Variants in RIMS2 observed in about 807,000 individuals in gnomAD.
The protein encoded by RIMS2 is regulating synaptic membrane exocytosis protein 2.
RIMS2 carries 59 observed loss-of-function variants against 174.4 expected under a neutral mutation model. The ratio of observed to expected loss-of-function variants is 0.34; its 90% CI spans 0.27 to 0.42. RIMS2 has a LOEUF of 0.42. RIMS2 is among the 10% of genes least tolerant of loss of function. The probability of loss-of-function intolerance (pLI) is 1.00; values close to 1 mark genes in which losing one functional copy is unlikely to be tolerated. For synonymous variants in RIMS2, 606 were observed against 572.5 expected (o/e 1.06, Z -0.84); for missense variants, 1,620 against 1,666.3 (o/e 0.97, Z 0.48).
At chr8:104,184,856 G>T (rs2098959793) in intron 19 of RIMS2, among the ~76,000 whole-genome samples, 1 of 151,346 alleles carries the variant, frequency 6.6e-6, no homozygotes. Context: ...CTGTGTTTAG[G>T]AAACTTTTTA....
At chr8:103,524,141 C>G (rs1020277212) in intron 1 of RIMS2, among the ~76,000 whole-genome samples, 40 of 151,832 alleles carry the variant, frequency 2.6e-4, no homozygotes, top group African/African-American at 2.4e-4. Context: ...TGAAAATGGT[C>G]CAACTTCATT....
At chr8:104,211,931 T>G (rs1299913330) in intron 19 of RIMS2, among the ~76,000 whole-genome samples, 2 of 152,094 alleles carry the variant, frequency 1.3e-5, no homozygotes, top group African/African-American at 4.8e-5. Flanking sequence ...GTTTTAGAAG[T>G]AGGATCGACA....
chr8:103,772,843 A>G (rs1203884171), intron 3 of RIMS2, among the ~76,000 whole-genome samples: 1 of 152,186 alleles, frequency 6.6e-6, no homozygotes, highest in African/African-American at 2.4e-5. Context: ...AAGGCAATTC[A>G]GTAGAGAAAG....
chr8:103,734,676 T>C (rs1484165797), intron 2 of RIMS2, among the ~76,000 whole-genome samples: 2 of 151,894 alleles, frequency 1.3e-5, no homozygotes, highest in Non-Finnish European at 2.9e-5. Flanking sequence ...ATTTCTGCAG[T>C]TTTGTCTTTT....
chr8:103,882,048 T>C (rs1393925420), intron 3 of RIMS2, among the ~76,000 whole-genome samples: 3 of 151,476 alleles, frequency 2.0e-5, no homozygotes, highest in Non-Finnish European at 4.4e-5. Flanking sequence ...TTAAGTGAAA[T>C]GTAAAATCCT....
intron 19 of RIMS2, among the ~76,000 whole-genome samples, chr8:104,242,052 G>A (rs1563957281): frequency 1.3e-5 from 2 of 152,128 alleles, no homozygotes; most frequent in South Asian, 2.1e-4. Flanking sequence ...GAGCCATCAT[G>A]CCCAGCCTAC....
chr8:103,543,069 G>A (rs780424011), intron 1 of RIMS2, among the ~76,000 whole-genome samples: 3 of 152,118 alleles, frequency 2.0e-5, no homozygotes, highest in Non-Finnish European at 4.4e-5. Context: ...TGGAAAGGAG[G>A]AAGTTAAATT....
chr8:103,640,174 G>A (rs1168220934), intron 1 of RIMS2, among the ~76,000 whole-genome samples: 1 of 151,768 alleles, frequency 6.6e-6, no homozygotes, highest in Non-Finnish European at 1.5e-5. Flanking sequence ...TATCAAATTT[G>A]GGATAGTTGT....
intron 1 of RIMS2, among the ~76,000 whole-genome samples, chr8:103,508,898 C>G (rs566026876): frequency 6.6e-6 from 1 of 152,120 alleles, no homozygotes; most frequent in Non-Finnish European, 1.5e-5. Context: ...CAGGTAAACT[C>G]TTATGATGCC....
intron 1 of RIMS2, among the ~76,000 whole-genome samples, chr8:103,660,797 A>G (rs1218660352): frequency 6.6e-6 from 1 of 152,236 alleles, no homozygotes; most frequent in Non-Finnish European, 1.5e-5. Flanking sequence ...ATAAACTTTT[A>G]AAATGACAAA....
chr8:103,845,176 T>C (rs954924507), intron 3 of RIMS2, among the ~76,000 whole-genome samples: 1 of 152,046 alleles, frequency 6.6e-6, no homozygotes, highest in Admixed American at 6.6e-5. Flanking sequence ...TAGTCAAAGA[T>C]CCTTTTTTAA....
At chr8:103,668,080 T>C (rs1217063493) in intron 1 of RIMS2, among the ~76,000 whole-genome samples, 2 of 152,168 alleles carry the variant, frequency 1.3e-5, no homozygotes, top group Non-Finnish European at 2.9e-5. Flanking sequence ...TAGAATTTAG[T>C]CATATTAGAG....
At chr8:104,070,567 A>G (rs2097179266) in intron 19 of RIMS2, among the ~76,000 whole-genome samples, 1 of 152,166 alleles carries the variant, frequency 6.6e-6, no homozygotes, top group Admixed American at 6.5e-5. Context: ...TCTGCCTACA[A>G]CTAAATAGAC....
chr8:104,020,166 T>C (rs1292402498), intron 19 of RIMS2, among the ~76,000 whole-genome samples: 2 of 152,056 alleles, frequency 1.3e-5, no homozygotes, highest in East Asian at 1.9e-4. Flanking sequence ...CAGAGTGTCA[T>C]GTTTAGTGCA....
intron 1 of RIMS2, among the ~76,000 whole-genome samples, chr8:103,685,348 C>T (rs544109545): frequency 6.6e-6 from 1 of 152,016 alleles, no homozygotes; most frequent in African/African-American, 2.4e-5. Context: ...AGGGAGTAGT[C>T]CCAAACTTTT....
intron 19 of RIMS2, among the ~76,000 whole-genome samples, 163 bp from the exon 23 acceptor site, chr8:104,068,349 T>G (rs144622601): frequency 1.3e-5 from 2 of 152,328 alleles, no homozygotes; most frequent in Non-Finnish European, 2.9e-5. Flanking sequence ...TGAAATTGTA[T>G]ACTTTAAATA....
intron 15 of RIMS2, among the ~76,000 whole-genome samples, chr8:103,970,355 G>A (rs963266968): frequency 6.6e-6 from 1 of 152,176 alleles, no homozygotes; most frequent in Admixed American, 6.5e-5. Context: ...CTCCCAGATT[G>A]GTTAGGCTTT....
chr8:103,629,008 G>A (rs1259381307), intron 1 of RIMS2, among the ~76,000 whole-genome samples: 2 of 152,172 alleles, frequency 1.3e-5, no homozygotes, highest in African/African-American at 4.8e-5. Context: ...ATTGTGGTAA[G>A]AGCCCTTTTA....
intron 1 of RIMS2, among the ~76,000 whole-genome samples, chr8:103,514,595 C>T (rs1436299117): frequency 6.6e-6 from 1 of 152,152 alleles, no homozygotes; most frequent in Admixed American, 6.5e-5. Flanking sequence ...ACTTAGCCAG[C>T]TTCTATGAGC....
Sources: gnomAD v4.1 joint callset for allele counts (sites outside exome capture counted in the v4.1 genomes callset) on GRCh38, gnomAD v4.1.1 for gene constraint, MANE v1.5 for transcripts, NCBI Gene and HGNC (gene_info 2026-07-23, HGNC 2026-07-21) for gene names.